RIOX2: variants seen among roughly 807,000 people sequenced by gnomAD.
RIOX2 encodes the protein ribosomal oxygenase 2, also known as 60S ribosomal protein L27a histidine hydroxylase.
A neutral mutation model predicts 51.2 loss-of-function variants in RIOX2; 43 were observed. The observed-to-expected ratio is 0.84, with a 90% CI of 0.66 to 1.08. The LOEUF (loss-of-function observed/expected upper bound fraction) is 1.08. RIOX2 is among the 50% of genes least tolerant of loss of function. The pLI is 0.00. For synonymous variants in RIOX2, 226 were observed against 218.5 expected (o/e 1.03, Z -0.30); for missense variants, 566 against 561.7 (o/e 1.01, Z -0.08).
At chr3:97,950,074 G>C (rs752307939) in intron 6 of RIOX2, 59 bp from the exon 7 acceptor site, 13 of 1,582,438 alleles carry the variant, frequency 8.2e-6, no homozygotes, top group Non-Finnish European at 1.1e-5. Context: ...GCCCAGCTCA[G>C]TCTCCACAGT....
intron 5 of RIOX2, chr3:97,952,214 G>A (rs766137112): frequency 2.1e-5 from 27 of 1,289,748 alleles, no homozygotes; most frequent in Middle Eastern, 2.1e-4. Flanking sequence ...GGGAGCAATG[G>A]CCCTCAAGTC....
chr3:97,945,878 G>C lies in RIOX2; in HGVS notation c.1159C>G (p.Gln387Glu). 6.2e-7 allele frequency: 1 copy of C among 1,605,948 alleles called. No individual in the cohort carries two copies. Among genetic ancestry groups the C allele is most frequent in the South Asian group, 1.1e-5 (1 of 90,816 alleles). ...LPDQDQSDEA[Q>E]EKMVYIYHSL... ...TGATAGATGTACACCATCTTTTCTT[G>C]AGCTTCATCCTTTGGGGAAAAAATA... The change falls in exon 9 of 10, where the codon CAA becomes GAA. Residue 387 changes from glutamine (Q) to glutamate (E), a missense_variant. By Grantham distance (29) the Gln-to-Glu change is conservative (BLOSUM62 2). Transcript: ENST00000394198.
chr3:97,965,210 TAAAAAAA>T (rs10644219), intron 2 of RIOX2, among the ~76,000 whole-genome samples: 1 of 114,906 alleles, frequency 8.7e-6, no homozygotes, highest in Non-Finnish European at 1.7e-5. Flanking sequence ...ACAAAGAGAT[TAAAAAAA>T]AAAAAAAAAA....
rs1265607068 is a variant in RIOX2, at chr3:97,944,169, T to G, written c.*1015A>C. 2 of 151,658 alleles carry G rather than the reference T, an allele frequency of 1.3e-5. No individual in the cohort carries two copies. Among genetic ancestry groups the G allele is most frequent in the Non-Finnish European group, 1.5e-5 (1 of 67,828 alleles). 9.4% of individuals were successfully genotyped at this position (151,658 alleles called of 1,614,324 possible). On this transcript the variant is annotated 3_prime_UTR_variant, in exon 10 of 10. Coordinates refer to ENST00000394198, the MANE Select transcript of RIOX2 (RefSeq NM_153182.4). Reference sequence around the variant, plus strand: ...ATATCCAAATTAAAACACAGTAGCATTTGAACCTTGACCTTACCATCTCTT... The same window carrying G: ...ATATCCAAATTAAAACACAGTAGCAGTTGAACCTTGACCTTACCATCTCTT...
intron 1 of RIOX2, 66 bp from the exon 2 acceptor site, chr3:97,967,698 C>T (rs2107198119): frequency 1.8e-6 from 2 of 1,107,164 alleles, no homozygotes; most frequent in Non-Finnish European, 2.5e-6. Flanking sequence ...GTTAGTGGAT[C>T]GCGCGCACAC....
In RIOX2 at chr3:97,943,613, C is replaced by T. The variant is rs540612033; in HGVS notation, c.*1571G>A. ...AGTGTTTATTTTCTCTCATATCCAC[C>T]AAACGTGAATCCTGTTCCTGATGGC... On this transcript the variant is annotated 3_prime_UTR_variant, in exon 10 of 10. Coordinates refer to ENST00000394198, the MANE Select transcript of RIOX2 (RefSeq NM_153182.4). 3.1e-6 allele frequency: 1 copy of T among 323,478 alleles called. No individual in the cohort carries two copies. The highest frequency in any genetic ancestry group is 5.6e-6 in the Non-Finnish European group (1 of 178,710). The allele number at this position is 323,478 out of a possible 1,614,324, so 20.0% of individuals were successfully genotyped here. A position where few individuals can be genotyped will look rare whatever the true frequency, so the allele number is the denominator to read the frequency against.
intron 7 of RIOX2, among the ~76,000 whole-genome samples, chr3:97,947,824 C>T (rs1285188487): frequency 6.6e-6 from 1 of 152,184 alleles, no homozygotes; most frequent in African/African-American, 2.4e-5. Context: ...AACATATGGA[C>T]TCTGGAAGTA....
rs1288233348 is a variant in RIOX2, at chr3:97,957,223, G to T, written c.681+1828C>A. 2.0e-5 allele frequency among the ~76,000 whole-genome samples: 3 copies of T among 152,192 alleles called. No individual in the cohort carries two copies. In the East Asian group the frequency reaches 5.8e-4, roughly 29 times the overall value. The stretch of plus-strand genomic sequence containing the variant: ...GGTTAAAAGCTCAAATGTGGGCCAG[G>T]CGCAGTGGCTCACGCCTGTAATCCC... On this transcript the variant is annotated intron_variant, in intron 4 of 9. Transcript: ENST00000394198.
chr3:97,945,632 A>T, intron 9 of RIOX2, 166 bp downstream of exon 9: 1 of 631,468 alleles, frequency 1.6e-6, no homozygotes, highest in Non-Finnish European at 2.8e-6. Context: ...TATCACAGAA[A>T]TGTCTGACTT....
rs1478088731 is a variant in RIOX2, at chr3:97,943,930, A to AT, written c.*1253dup. 2.0e-5 allele frequency: 3 copies of AT among 151,938 alleles called. No homozygotes were observed. Among genetic ancestry groups the AT allele is most frequent in the Non-Finnish European group, 4.4e-5 (3 of 67,930 alleles). The allele number at this position is 151,938 out of a possible 1,614,324, so 9.4% of individuals were successfully genotyped here. On this transcript the variant is annotated 3_prime_UTR_variant, in exon 10 of 10. Transcript: ENST00000394198. ...TTGTTAGGAATAAGGCACAAGAAGT[A>AT]TTTTCTGTAGCTATTGTTTCCTCAG... is the stretch of plus-strand genomic sequence containing the variant.
chr3:97,961,763 A>T lies in RIOX2; in HGVS notation c.433-55T>A, dbSNP rs962967987. The T allele has an allele frequency of 5.6e-5, 86 of 1,526,728 alleles. No homozygotes were observed. The African/African-American group carries it at 1.1e-3, about 19-fold the overall frequency. The allele number at this position is 1,526,728 out of a possible 1,614,324, so 94.6% of individuals were successfully genotyped here. A position where few individuals can be genotyped will look rare whatever the true frequency, so the allele number is the denominator to read the frequency against. On this transcript the variant is annotated intron_variant, in intron 2 of 9. Coordinates refer to ENST00000394198, the MANE Select transcript of RIOX2 (RefSeq NM_153182.4). ...GGCGTGGGGGAGTGAAAAATGTATT[A>T]GAAATAAGAATAAGAGCATGTTCTT...
Position 97,949,881 on chromosome 3 carries a change from A to G in RIOX2, c.1023T>C (p.Pro341=). The change falls in exon 7 of 10, where the codon CCT becomes CCC. Residue 341 remains proline (P), a synonymous_variant. Transcript: ENST00000394198. ...KKDFIMHRLP[P]YSAGDGAELS... ...GCTCTGCCCCATCTCCCGCAGAGTA[A>G]GGGGGGAGTCTGTGCATAATAAAAT... The G allele has an allele frequency of 6.2e-7, 1 of 1,613,660 alleles. No individual in the cohort carries two copies. Among genetic ancestry groups the G allele is most frequent in the South Asian group, 1.1e-5 (1 of 91,052 alleles).
intron 5 of RIOX2, among the ~76,000 whole-genome samples, chr3:97,952,972 G>T (rs1705305045): frequency 6.6e-6 from 1 of 152,118 alleles, no homozygotes; most frequent in Non-Finnish European, 1.5e-5. Flanking sequence ...AAATGTAGAG[G>T]TGAAATTCAC....
At chr3:97,954,309 C>T (rs1239827829) in intron 5 of RIOX2, 83 bp downstream of exon 5, 3 of 985,750 alleles carry the variant, frequency 3.0e-6, no homozygotes, top group Admixed American at 3.7e-5. Flanking sequence ...GGGGCCAACT[C>T]CCTCATATCC....
intron 3 of RIOX2, 127 bp from the exon 4 acceptor site, chr3:97,959,306 G>T (rs1483475477): frequency 1.7e-4 from 41 of 237,412 alleles, no homozygotes; most frequent in East Asian, 4.5e-4. Context: ...AACAACACAG[G>T]TTTTTTTTTT....
At chr3:97,950,920 C>G (rs1705221775) in intron 5 of RIOX2, 32 bp from the exon 6 acceptor site, 1 of 1,491,084 alleles carries the variant, frequency 6.7e-7, no homozygotes, top group Admixed American at 1.7e-5. Flanking sequence ...AAAAAAAAAC[C>G]AAAACAGTGA....
chr3:97,964,605 G>A (rs751597653), intron 2 of RIOX2, among the ~76,000 whole-genome samples: 18 of 149,372 alleles, frequency 1.2e-4, no homozygotes, highest in Non-Finnish European at 1.9e-4. Context: ...TCCAAGGCAG[G>A]AGAATTGCTT....
At chr3:97,954,148 ACTCT>A in intron 5 of RIOX2, 2 of 449,216 alleles carry the variant, frequency 4.5e-6, no homozygotes, top group Non-Finnish European at 8.1e-6. Flanking sequence ...AAACTATGTG[ACTCT>A]CTATTTGGGC....
intron 9 of RIOX2, 43 bp downstream of exon 9, chr3:97,945,755 A>G (rs1182902242): frequency 6.3e-6 from 9 of 1,419,080 alleles, no homozygotes; most frequent in Non-Finnish European, 8.9e-6. Flanking sequence ...CCCAACCACC[A>G]CCCAAGTCAC....
Sources: allele counts gnomAD v4.1 joint callset (sites outside exome capture counted in the v4.1 genomes callset), GRCh38; gene constraint gnomAD v4.1.1; transcripts MANE v1.5; gene names NCBI Gene and HGNC (gene_info 2026-07-23, HGNC 2026-07-21).